Variants in MAP4K3 observed in about 807,000 individuals in gnomAD.
The protein encoded by MAP4K3 is mitogen-activated protein kinase kinase kinase kinase 3, also known as MAPK/ERK kinase kinase kinase 3.
In MAP4K3, 94 loss-of-function variants were observed where a neutral mutation model predicts 143.5. That is an observed-to-expected ratio of 0.65 (90% CI 0.55 to 0.78). The LOEUF (loss-of-function observed/expected upper bound fraction) is 0.78. MAP4K3 is among the 30% of genes least tolerant of loss of function. The pLI, the probability that MAP4K3 is intolerant of heterozygous loss-of-function variation, is 0.00. For missense variants in MAP4K3, 1,077 were observed against 1,068.1 expected, an observed-to-expected ratio of 1.01 and a Z score of -0.12; for synonymous variants, 416 against 347.2, an observed-to-expected ratio of 1.20 and a Z score of -2.20.
At chr2:39,335,694 G>A (rs939021796) in intron 6 of MAP4K3, among the ~76,000 whole-genome samples, 9 of 152,050 alleles carry the variant, frequency 5.9e-5, no homozygotes, top group Admixed American at 4.6e-4. Context: ...AACCTTTCTT[G>A]AGCTGCTCAT....
chr2:39,335,760 G>A (rs1664929553), intron 6 of MAP4K3, among the ~76,000 whole-genome samples: 1 of 152,072 alleles, frequency 6.6e-6, no homozygotes, highest in Middle Eastern at 3.2e-3. Context: ...TCTTTTAAGT[G>A]GATCACAAAA....
chr2:39,353,166 T>C (rs1665507082), intron 3 of MAP4K3, among the ~76,000 whole-genome samples: 1 of 152,218 alleles, frequency 6.6e-6, no homozygotes, highest in African/African-American at 2.4e-5. Flanking sequence ...GTAAGTCATT[T>C]ATACCCCACT....
At chr2:39,273,236 T>C (rs6725849) in intron 24 of MAP4K3, among the ~76,000 whole-genome samples, 12,116 of 152,174 alleles carry the variant, frequency 0.08, 1,640 homozygotes, top group African/African-American at 0.28. Context: ...TGCGTATCAG[T>C]GGTTTTTAAA....
intron 1 of MAP4K3, among the ~76,000 whole-genome samples, chr2:39,381,580 A>C (rs952080889): frequency 6.9e-6 from 1 of 145,868 alleles, no homozygotes; most frequent in Non-Finnish European, 1.5e-5. Flanking sequence ...CTTTTTTCCT[A>C]TGATTTTTTT....
chr2:39,287,103 C>T (rs2148473240), intron 20 of MAP4K3, 139 bp from the exon 21 acceptor site: 1 of 529,296 alleles, frequency 1.9e-6, no homozygotes. Flanking sequence ...AGAATATTTA[C>T]TATGAAAGTA....
chr2:39,281,442 C>G (rs998635600), intron 22 of MAP4K3, among the ~76,000 whole-genome samples: 1 of 152,168 alleles, frequency 6.6e-6, no homozygotes, highest in Non-Finnish European at 1.5e-5. Flanking sequence ...CCAATAGAAA[C>G]ATGTCTTTAG....
At chr2:39,302,735 A>G (rs10865150) in intron 15 of MAP4K3, among the ~76,000 whole-genome samples, 135,783 of 152,258 alleles carry the variant, frequency 0.89, 60,738 homozygotes, top group Non-Finnish European at 0.92. Context: ...ATCAGGCATC[A>G]ACTTGTTAAT....
intron 1 of MAP4K3, among the ~76,000 whole-genome samples, chr2:39,412,438 T>C (rs1299539438): frequency 6.6e-6 from 1 of 152,158 alleles, no homozygotes; most frequent in Non-Finnish European, 1.5e-5. Flanking sequence ...CCACGAAGCT[T>C]ACATTCCAGT....
chr2:39,353,574 C>T (rs1398202036), intron 3 of MAP4K3, among the ~76,000 whole-genome samples: 1 of 152,130 alleles, frequency 6.6e-6, no homozygotes, highest in East Asian at 1.9e-4. Context: ...TGGAATGAAG[C>T]AAAATCATAA....
intron 3 of MAP4K3, among the ~76,000 whole-genome samples, chr2:39,347,311 A>C (rs1404662304): frequency 6.6e-6 from 1 of 152,212 alleles, no homozygotes; most frequent in Non-Finnish European, 1.5e-5. Flanking sequence ...TATAAAATAA[A>C]GGGGTTCTAT....
At chr2:39,256,923 C>T (rs1680363738) in intron 31 of MAP4K3, among the ~76,000 whole-genome samples, 1 of 152,166 alleles carries the variant, frequency 6.6e-6, no homozygotes, top group Admixed American at 6.5e-5. Context: ...TAGCTTCAGA[C>T]CTGTATACTG....
intron 24 of MAP4K3, among the ~76,000 whole-genome samples, chr2:39,276,741 T>C (rs1341219793): frequency 1.2e-4 from 18 of 152,252 alleles, no homozygotes; most frequent in Non-Finnish European, 2.6e-4. Context: ...TCACCATTAT[T>C]ATCAGTTTGT....
intron 2 of MAP4K3, among the ~76,000 whole-genome samples, chr2:39,369,282 G>C (rs922025009): frequency 2.2e-5 from 3 of 139,368 alleles, no homozygotes; most frequent in Admixed American, 7.9e-5. Flanking sequence ...TGCAACCTCC[G>C]TCTCCCAGGT....
At chr2:39,276,124 G>A (rs777491881) in intron 24 of MAP4K3, among the ~76,000 whole-genome samples, 25 of 152,152 alleles carry the variant, frequency 1.6e-4, no homozygotes, top group Non-Finnish European at 2.5e-4. Context: ...CACCCACCTC[G>A]GCCTCCCAAA....
chr2:39,356,021 C>A (rs1665601784), intron 3 of MAP4K3: 1 of 411,460 alleles, frequency 2.4e-6, no homozygotes, highest in East Asian at 4.6e-5. Context: ...TTTTTACTTG[C>A]CAGCATTTTC....
In MAP4K3 at chr2:39,265,324, T is replaced by G; in HGVS notation, c.2033-18A>C. On this transcript the variant is annotated intron_variant, in intron 27 of 33. Transcript: ENST00000263881. ...ATTTCTTACTGTCAAAGCAAAAATA[T>G]AAATGAGTTCTCTTATAAAACAAAG... 1 of 1,409,136 alleles carries G rather than the reference T, an allele frequency of 7.1e-7. No homozygotes were observed. Among genetic ancestry groups the G allele is most frequent in the Non-Finnish European group, 1.0e-6 (1 of 994,424 alleles). 87.3% of individuals were successfully genotyped at this position (1,409,136 alleles called of 1,614,324 possible).
At chr2:39,408,661 G>T (rs2148615390) in intron 1 of MAP4K3, among the ~76,000 whole-genome samples, 1 of 151,670 alleles carries the variant, frequency 6.6e-6, no homozygotes, top group South Asian at 2.1e-4. Flanking sequence ...AAAGGTGGTG[G>T]GGGGTTGGGT....
intron 3 of MAP4K3, among the ~76,000 whole-genome samples, chr2:39,351,187 C>T (rs576271483): frequency 6.6e-6 from 1 of 152,200 alleles, no homozygotes; most frequent in Admixed American, 6.5e-5. Context: ...TATGTACCCC[C>T]TTTTCCCTCT....
intron 3 of MAP4K3, among the ~76,000 whole-genome samples, chr2:39,344,655 T>C (rs1277001404): frequency 2.6e-5 from 4 of 152,170 alleles, no homozygotes; most frequent in African/African-American, 4.8e-5. Flanking sequence ...ATTTGATGAA[T>C]GCATAATCCA....
Sources: allele counts gnomAD v4.1 joint callset (sites outside exome capture counted in the v4.1 genomes callset), GRCh38; gene constraint gnomAD v4.1.1; transcripts MANE v1.5; gene names NCBI Gene and HGNC (gene_info 2026-07-23, HGNC 2026-07-21).